Variants in NEBL observed in about 807,000 individuals in gnomAD.
The protein encoded by NEBL is LIM and SH3 protein 2.
NEBL carries 122 observed loss-of-function variants against 140.2 expected under a neutral mutation model. The observed-to-expected ratio is 0.87, with a 90% CI of 0.75 to 1.01. NEBL has a LOEUF of 1.01. Ranked by LOEUF, NEBL falls within the 50% of genes least tolerant of loss-of-function variation. The pLI, the probability that NEBL is intolerant of heterozygous loss-of-function variation, is 0.00. For synonymous variants in NEBL, 436 were observed against 398.9 expected (o/e 1.09, Z -1.11); for missense variants, 1,365 against 1,231.3 (o/e 1.11, Z -1.62).
intron 2 of NEBL, among the ~76,000 whole-genome samples, chr10:21,036,366 G>A (rs1015922160): frequency 6.6e-6 from 1 of 151,656 alleles, no homozygotes; most frequent in Non-Finnish European, 1.5e-5. Context: ...AGGTGGGAGG[G>A]TCATTTGATC....
chr10:21,067,178 A>G lies in NEBL; in HGVS notation c.165-46977T>C, dbSNP rs184826119. 2.5e-4 allele frequency among the ~76,000 whole-genome samples: 38 copies of G among 152,048 alleles called. No homozygotes were observed. In the East Asian group the frequency reaches 6.8e-3, roughly 27 times the overall value. On this transcript the variant is annotated intron_variant, in intron 2 of 6. Transcript: ENST00000417816. ...AGTAGAGATGGGGTTTCACCGTGTTAGCCAGGATGGTCTCGATCTCCTGAC... is the reference window on the plus strand; with the variant it reads ...AGTAGAGATGGGGTTTCACCGTGTTGGCCAGGATGGTCTCGATCTCCTGAC...
chr10:21,042,377 T>G lies in NEBL; in HGVS notation c.165-22176A>C, dbSNP rs1245470220. Among the ~76,000 whole-genome samples the G allele has an allele frequency of 2.6e-5, 4 of 152,234 alleles. No homozygotes were observed. The South Asian group carries it at 6.2e-4, about 24-fold the overall frequency. On this transcript the variant is annotated intron_variant, in intron 2 of 6. Transcript: ENST00000417816. ...CTCACACTGGCTCATGGGAGCTGAC[T>G]GTGCACTTTTTGAGAATTTTATGAG... is the stretch of plus-strand genomic sequence containing the variant.
At chr10:20,929,446 G>A (rs1218347456) in intron 4 of NEBL, among the ~76,000 whole-genome samples, 1 of 152,092 alleles carries the variant, frequency 6.6e-6, no homozygotes, top group African/African-American at 2.4e-5. Context: ...TGTAACCTCA[G>A]CAATCCCTAA....
intron 3 of NEBL, among the ~76,000 whole-genome samples, chr10:21,203,954 G>A (rs1841783982): frequency 6.6e-6 from 1 of 152,174 alleles, no homozygotes; most frequent in African/African-American, 2.4e-5. Context: ...GTCAACAGCA[G>A]CTTTGTTTCA....
intron 2 of NEBL, among the ~76,000 whole-genome samples, chr10:21,150,259 G>T (rs1840086179): frequency 6.6e-6 from 1 of 152,126 alleles, no homozygotes; most frequent in South Asian, 2.1e-4. Flanking sequence ...TTAAACTAAG[G>T]ATTTATATCG....
intron 17 of NEBL, among the ~76,000 whole-genome samples, chr10:20,827,143 C>T (rs943634837): frequency 2.0e-5 from 3 of 152,076 alleles, no homozygotes; most frequent in African/African-American, 7.2e-5. Flanking sequence ...TTATGAGTGC[C>T]CTCGTTATGA....
chr10:20,921,592 T>C (rs1833579495), intron 4 of NEBL, among the ~76,000 whole-genome samples: 1 of 152,334 alleles, frequency 6.6e-6, no homozygotes, highest in East Asian at 1.9e-4. Context: ...AGGGTGGTCA[T>C]GACTTCCTGA....
intron 2 of NEBL, among the ~76,000 whole-genome samples, chr10:21,094,358 C>T (rs1467406659): frequency 4.0e-5 from 6 of 151,892 alleles, no homozygotes; most frequent in Non-Finnish European, 7.4e-5. Flanking sequence ...AAAAATTAGC[C>T]GGGTGCAGTG....
intron 3 of NEBL, among the ~76,000 whole-genome samples, chr10:21,214,034 T>A (rs2132237866): frequency 6.6e-6 from 1 of 152,296 alleles, no homozygotes; most frequent in Middle Eastern, 3.4e-3. Context: ...GTTTTGTGTC[T>A]TGAATGATGA....
intron 2 of NEBL, among the ~76,000 whole-genome samples, chr10:21,137,477 T>C (rs1054003822): frequency 3.3e-5 from 5 of 152,172 alleles, no homozygotes; most frequent in Non-Finnish European, 7.3e-5. Flanking sequence ...CAAGTAGACA[T>C]CTGTAGAATT....
intron 2 of NEBL, chr10:21,125,858 C>A: frequency 2.5e-6 from 4 of 1,613,576 alleles, no homozygotes; most frequent in Non-Finnish European, 3.4e-6. Flanking sequence ...TTCTTAGATA[C>A]GTTGAACTTT....
intron 3 of NEBL, among the ~76,000 whole-genome samples, chr10:21,180,976 T>A (rs1256962290): frequency 6.6e-6 from 1 of 152,064 alleles, no homozygotes; most frequent in Non-Finnish European, 1.5e-5. Context: ...AATTAATTCA[T>A]GTAGGCCAGG....
In NEBL at chr10:20,960,710, T is replaced by TAC. The variant is rs150909263; in HGVS notation, c.357+960_357+961dup. Among the ~76,000 whole-genome samples, 2,883 of 151,834 alleles carry TAC rather than the reference T, an allele frequency of 0.019. 349 individuals carry two copies. The East Asian group carries it at 0.34, about 18-fold the overall frequency. On this transcript the variant is annotated intron_variant, in intron 4 of 6. Coordinates refer to the NEBL transcript ENST00000417816. ...ATATAATATATACACATGTATTTTA[T>TAC]ACACACACACACATATATACATGTA... is the stretch of plus-strand genomic sequence containing the variant.
intron 26 of NEBL, among the ~76,000 whole-genome samples, chr10:20,794,027 G>A (rs1052972261): frequency 6.6e-6 from 1 of 152,164 alleles, no homozygotes; most frequent in African/African-American, 2.4e-5. Context: ...CTGTGGAGGC[G>A]AATGTTTGAA....
chr10:20,970,156 G>A (rs887232874), intron 3 of NEBL, among the ~76,000 whole-genome samples: 1 of 152,128 alleles, frequency 6.6e-6, no homozygotes, highest in Non-Finnish European at 1.5e-5. Context: ...AGTAATGAGT[G>A]TTTTACATTA....
At chr10:21,141,264 A>T (rs1266099584) in intron 2 of NEBL, among the ~76,000 whole-genome samples, 4 of 152,214 alleles carry the variant, frequency 2.6e-5, no homozygotes, top group Non-Finnish European at 4.4e-5. Flanking sequence ...GACAGTATCA[A>T]TGTTAATTTC....
rs1449628871 is a variant in NEBL, at chr10:21,163,806, CCTCCTAGA to C, written c.164+8569_164+8576del. 4.3e-3 allele frequency among the ~76,000 whole-genome samples: 658 copies of C among 152,288 alleles called. 3 individuals are homozygous for C. Among genetic ancestry groups the C allele is most frequent in the African/African-American group, 0.015 (613 of 41,564 alleles). ...ACATCGAACTAGTTCTCTTCTGGCT[CCTCCTAGA>C]ATTCAATAAGAATGAGTCAACAGAG... On this transcript the variant is annotated intron_variant, in intron 2 of 6. Transcript: ENST00000417816.
intron 2 of NEBL, among the ~76,000 whole-genome samples, chr10:21,072,447 C>G (rs558580631): frequency 6.6e-6 from 1 of 152,332 alleles, no homozygotes; most frequent in South Asian, 2.1e-4. Context: ...TATTCAGCCA[C>G]TACATGAGAG....
intron 3 of NEBL, among the ~76,000 whole-genome samples, chr10:21,229,967 G>A (rs1339375642): frequency 2.0e-5 from 3 of 152,174 alleles, no homozygotes; most frequent in Non-Finnish European, 4.4e-5. Flanking sequence ...TGGCCACTCC[G>A]CTAATGTAGT....
Sources: allele counts gnomAD v4.1 joint callset (sites outside exome capture counted in the v4.1 genomes callset), GRCh38; gene constraint gnomAD v4.1.1; transcripts MANE v1.5; gene names NCBI Gene and HGNC (gene_info 2026-07-23, HGNC 2026-07-21).